The following MMP25 variants were observed in gnomAD, a reference collection of about 807,000 sequenced individuals.
MMP25 encodes the protein matrix metallopeptidase 25, also known as matrix metalloproteinase-25.
In MMP25, 68 loss-of-function variants were observed where a neutral mutation model predicts 62.1. That is an observed-to-expected ratio of 1.10 (90% CI 0.90 to 1.34). The LOEUF (loss-of-function observed/expected upper bound fraction) is 1.34. Among genes scored for constraint, MMP25 ranks in the 40% most tolerant of loss-of-function variants. The pLI, the probability that MMP25 is intolerant of heterozygous loss-of-function variation, is 0.00. For synonymous variants in MMP25, 407 were observed against 345.6 expected, an observed-to-expected ratio of 1.18 and a Z score of -1.97; for missense variants, 942 against 792.5, an observed-to-expected ratio of 1.19 and a Z score of -2.26.
chr16:3,055,286 G>T (rs569664598), intron 4 of MMP25, among the ~76,000 whole-genome samples: 10 of 152,244 alleles, frequency 6.6e-5, no homozygotes, highest in African/African-American at 2.4e-4. Flanking sequence ...GCAGGAAGGG[G>T]TGCAGGGCCC....
rs200461438 is a variant in MMP25, at chr16:3,058,903, C to T, written c.1494C>T (p.Pro498=). 5.5e-3 allele frequency: 8,496 copies of T among 1,555,088 alleles called. 26 individuals carry two copies. Among genetic ancestry groups the T allele is most frequent in the Non-Finnish European group, 6.7e-3 (7,731 of 1,149,084 alleles). ...KNSIKTEPDA[P]QPMGPNWLDC... is the part of the protein sequence containing the mutation. ...GCATCAAGACCGAGCCGGACGCCCC[C>T]CAGCCCATGGGGCCCAACTGGCTGG... Residue 498 remains proline (P), a synonymous_variant, in exon 10 of 10, where the codon CCC becomes CCT. Coordinates refer to ENST00000336577, the MANE Select transcript of MMP25 (RefSeq NM_022468.5).
rs897152812 is a variant in MMP25, at chr16:3,047,460, C to A, written c.145C>A (p.Gln49Lys). 1.9e-6 allele frequency: 3 copies of A among 1,613,832 alleles called. No individual in the cohort carries two copies. The African/African-American group carries it at 4.0e-5, about 22-fold the overall frequency. Residue 49 changes from glutamine to lysine, a missense_variant, in exon 2 of 10, where the codon CAG becomes AAG. By Grantham distance (53) the Gln-to-Lys change is moderately conservative. Transcript: ENST00000336577. ...TTACCTGCCGCCACCCCACCCTGCCCAGGCCCAGCTGCAGAGCCCTGAGAA... is the reference window on the plus strand; with the variant it reads ...TTACCTGCCGCCACCCCACCCTGCCAAGGCCCAGCTGCAGAGCCCTGAGAA... ...YGYLPPPHPA[Q>K]AQLQSPEKLR...
At chr16:3,056,929 G>A in intron 4 of MMP25, 104 bp from the exon 5 acceptor site, 1 of 1,266,070 alleles carries the variant, frequency 7.9e-7, no homozygotes, top group Admixed American at 2.4e-5. Flanking sequence ...CCTCTGGAGG[G>A]TGTCCTGCTG....
At chr16:3,049,499 C>G (rs1323094015) in intron 2 of MMP25, among the ~76,000 whole-genome samples, 1 of 152,196 alleles carries the variant, frequency 6.6e-6, no homozygotes, top group South Asian at 2.1e-4. Context: ...TGGAGCCCAG[C>G]TGGGAAAGGG....
chr16:3,048,665 G>A (rs975064917), intron 2 of MMP25, among the ~76,000 whole-genome samples: 1 of 152,156 alleles, frequency 6.6e-6, no homozygotes, highest in African/African-American at 2.4e-5. Context: ...TGTGCCTGGA[G>A]CAAAAGGAGC....
In MMP25 at chr16:3,047,540, C is replaced by T. The variant is rs755447406; in HGVS notation, c.225C>T (p.Gly75=). Residue 75 remains glycine (G), a synonymous_variant, in exon 2 of 10, where the codon GGC becomes GGT. Coordinates refer to ENST00000336577, the MANE Select transcript of MMP25 (RefSeq NM_022468.5). Reference sequence around the variant, plus strand: ...GGTTCGCGGGGCTGCCGGAGACCGGCCGCATGGGTAGGTGGCCCCCACCCC... The same window carrying T: ...GGTTCGCGGGGCTGCCGGAGACCGGTCGCATGGGTAGGTGGCCCCCACCCC... The part of the protein sequence containing the change: ...MQRFAGLPET[G]RMDPGTVATM... The T allele has an allele frequency of 2.5e-6, 4 of 1,612,870 alleles. No homozygotes were observed. Among genetic ancestry groups the T allele is most frequent in the South Asian group, 1.1e-5 (1 of 91,040 alleles).
chr16:3,059,269 G>T lies in MMP25; in HGVS notation c.*171G>T. 15 of 780,068 alleles carry T rather than the reference G, an allele frequency of 1.9e-5. No individual in the cohort carries two copies. In the South Asian group the frequency reaches 3.7e-4, roughly 19 times the overall value. 48.3% of individuals were successfully genotyped at this position (780,068 alleles called of 1,614,324 possible). On this transcript the variant is annotated 3_prime_UTR_variant, in exon 10 of 10. Transcript: ENST00000336577. ...CCCGCGCAGGGGCGGCGGCGGCGGG[G>T]ACCGGTCGCCTGGCGCTGGGCTCAG...
At position 3,046,905 on chromosome 16, in the gene MMP25, G is replaced by T; in HGVS notation, c.-13G>T. On this transcript the variant is annotated 5_prime_UTR_variant, in exon 1 of 10. Transcript: ENST00000336577. ...CCTTCGAACCCCGCCGGCGGCCCGG[G>T]CTGGGGCGCACCATGCGGCTGCGGC... The T allele has an allele frequency of 7.0e-7, 1 of 1,419,854 alleles. No individual in the cohort carries two copies. Among genetic ancestry groups the T allele is most frequent in the Non-Finnish European group, 9.2e-7 (1 of 1,090,242 alleles). 88.0% of individuals were successfully genotyped at this position (1,419,854 alleles called of 1,614,324 possible).
rs1209667962 is a variant in MMP25 at position 3,059,964 on chromosome 16, A to T, written c.*866A>T. ...AATGGGGAACCCTTCTATCCCCAAG[A>T]ACCCCTTCCCTGCTTGCACCCTGGA... On this transcript the variant is annotated 3_prime_UTR_variant, in exon 10 of 10. Transcript: ENST00000336577. 1 of 152,250 alleles carries T rather than the reference A, an allele frequency of 6.6e-6. No homozygotes were observed. The highest frequency in any genetic ancestry group is 2.4e-5 in the African/African-American group (1 of 41,386). The allele number at this position is 152,250 out of a possible 1,614,324, so 9.4% of individuals were successfully genotyped here. A position where few individuals can be genotyped will look rare whatever the true frequency, so the allele number is the denominator to read the frequency against.
At position 3,047,482 on chromosome 16, in the gene MMP25, A is replaced by G. The variant is rs1243818400; in HGVS notation, c.167A>G (p.Glu56Gly). 6.2e-7 allele frequency: 1 copy of G among 1,613,910 alleles called. No individual in the cohort carries two copies. Among genetic ancestry groups the G allele is most frequent in the East Asian group, 2.2e-5 (1 of 44,878 alleles). ...GCCCAGGCCCAGCTGCAGAGCCCTG[A>G]GAAGTTGCGCGATGCCATCAAAGTC... is the stretch of plus-strand genomic sequence containing the variant. Reference protein sequence around the residue: ...HPAQAQLQSPEKLRDAIKVMQ... With the variant: ...HPAQAQLQSPGKLRDAIKVMQ... The change falls in exon 2 of 10, where the codon GAG becomes GGG. Residue 56 changes from glutamate to glycine, a missense_variant. Physicochemically the swap from Glu to Gly is moderately conservative, Grantham distance 98. Transcript: ENST00000336577.
chr16:3,056,386 TC>T, intron 4 of MMP25, among the ~76,000 whole-genome samples: 3 of 120,020 alleles, frequency 2.5e-5, no homozygotes, highest in African/African-American at 7.1e-5. Context: ...TCTTTTATTT[TC>T]TTTTTCTTTT....
At chr16:3,057,704 T>C (rs894186170) in intron 7 of MMP25, 91 bp downstream of exon 7, 1 of 1,183,748 alleles carries the variant, frequency 8.4e-7, no homozygotes, top group Non-Finnish European at 1.3e-6. Flanking sequence ...GAAGCGGAAC[T>C]TTTTTCTTCT....
intron 9 of MMP25, 59 bp downstream of exon 9, chr16:3,058,728 G>T (rs1956062615): frequency 1.3e-6 from 2 of 1,519,534 alleles, no homozygotes. Context: ...GGGATGTGGG[G>T]AATGGGGACA....
chr16:3,058,803 G>T (rs749980117), intron 9 of MMP25, 24 bp from the exon 10 acceptor site: 1 of 1,498,968 alleles, frequency 6.7e-7, no homozygotes, highest in Non-Finnish European at 8.9e-7. Flanking sequence ...GGGAGGGACC[G>T]GGACTCAAGC....
chr16:3,048,189 TCCCAGCTACTCAGA>T lies in MMP25; in HGVS notation c.232+643_232+656del, dbSNP rs561406481. Among the ~76,000 whole-genome samples the T allele has an allele frequency of 8.9e-3, 1,352 of 152,232 alleles. 10 individuals are homozygous for T. Among genetic ancestry groups the T allele is most frequent in the Non-Finnish European group, 0.014 (939 of 68,012 alleles). On this transcript the variant is annotated intron_variant, in intron 2 of 9. Coordinates refer to ENST00000336577, the MANE Select transcript of MMP25 (RefSeq NM_022468.5). ...TGAGTGTAGTGGCATAGGCCTGTGG[TCCCAGCTACTCAGA>T]ACGCTGAGATGGGAAAATTGCTTAA...
At position 3,056,756 on chromosome 16, in the gene MMP25, G is replaced by C. The variant is rs1956015865; in HGVS notation, c.662-277G>C. ...CTGTGCACAAAGTGCTCCCTTCCCAGAGGAGGGGCCCCATCGGTGTGTAAG... is the reference window on the plus strand; with the variant it reads ...CTGTGCACAAAGTGCTCCCTTCCCACAGGAGGGGCCCCATCGGTGTGTAAG... On this transcript the variant is annotated intron_variant, in intron 4 of 9. Coordinates refer to ENST00000336577, the MANE Select transcript of MMP25 (RefSeq NM_022468.5). 1.6e-5 allele frequency: 6 copies of C among 381,694 alleles called. 1 individual carries two copies. The highest frequency in any genetic ancestry group is 1.3e-4 in the Admixed American group (3 of 23,416). 23.6% of individuals were successfully genotyped at this position (381,694 alleles called of 1,614,324 possible). A position where few individuals can be genotyped will look rare whatever the true frequency, so the allele number is the denominator to read the frequency against.
intron 4 of MMP25, 100 bp from the exon 5 acceptor site, chr16:3,056,933 C>G (rs1956019358): frequency 3.0e-6 from 4 of 1,316,378 alleles, no homozygotes; most frequent in Non-Finnish European, 3.1e-6. Context: ...TGGAGGGTGT[C>G]CTGCTGTTCC....
chr16:3,058,967 C>A lies in MMP25; in HGVS notation c.1558C>A (p.Pro520Thr). 3 of 1,542,142 alleles carry A rather than the reference C, an allele frequency of 1.9e-6. No individual in the cohort carries two copies. The highest frequency in any genetic ancestry group is 2.6e-6 in the Non-Finnish European group (3 of 1,139,536). Residue 520 changes from proline to threonine, a missense_variant, in exon 10 of 10, where the codon CCC (proline) becomes ACC (threonine). Transcript: ENST00000336577. ...GAGCTCTGGTCCCCGCGCCCCCAGGCCCCCCAAAGCGACCCCCGTGTCCGA... is the reference window on the plus strand; with the variant it reads ...GAGCTCTGGTCCCCGCGCCCCCAGGACCCCCAAAGCGACCCCCGTGTCCGA... ...APSSGPRAPR[P>T]PKATPVSETC...
intron 9 of MMP25, 37 bp downstream of exon 9, chr16:3,058,706 G>A (rs770167110): frequency 5.1e-6 from 8 of 1,568,262 alleles, no homozygotes; most frequent in Non-Finnish European, 6.9e-6. Flanking sequence ...ACTGGGCCTG[G>A]GGGTGGGGAG....
Sources: gnomAD v4.1 joint callset for allele counts (sites outside exome capture counted in the v4.1 genomes callset) on GRCh38, gnomAD v4.1.1 for gene constraint, MANE v1.5 for transcripts, NCBI Gene and HGNC (gene_info 2026-07-23, HGNC 2026-07-21) for gene names.